Variants in DYNC2H1 observed in about 807,000 individuals in gnomAD.
DYNC2H1 encodes the protein dynein cytoplasmic 2 heavy chain 1.
In DYNC2H1, 410 loss-of-function variants were observed where a neutral mutation model predicts 570.0. The ratio of observed to expected loss-of-function variants is 0.72; its 90% CI spans 0.66 to 0.78. The LOEUF (loss-of-function observed/expected upper bound fraction) is 0.78. Ranked by LOEUF, DYNC2H1 falls within the 30% of genes least tolerant of loss-of-function variation. DYNC2H1 has a pLI of 0.00. For synonymous variants in DYNC2H1, 1,688 were observed against 1,677.6 expected (o/e 1.01, Z -0.15); for missense variants, 4,865 against 5,046.4 (o/e 0.96, Z 1.09).
chr11:103,109,727 C>T lies in DYNC2H1; in HGVS notation c.153C>T (p.Leu51=). ...TGGATGACGGCAACCAGATGCTCCT[C>T]AGGGTGCAGCGATCCGACGCAGGAA... ...NFLDDGNQML[L]RVQRSDAGIS... Residue 51 remains leucine (L), a synonymous_variant, in exon 1 of 89, where the codon CTC becomes CTT. Transcript: ENST00000375735. The T allele has an allele frequency of 6.2e-7, 1 of 1,613,946 alleles. No homozygotes were observed. Among genetic ancestry groups the T allele is most frequent in the Non-Finnish European group, 8.5e-7 (1 of 1,179,900 alleles).
intron 84 of DYNC2H1, chr11:103,408,483 G>A (rs1302837403): frequency 1.3e-5 from 2 of 152,022 alleles, no homozygotes; most frequent in Non-Finnish European, 2.9e-5. Context: ...TGATTTGTTT[G>A]ATTGAGATAG....
At chr11:103,161,953 G>A (rs1861111416) in intron 29 of DYNC2H1, among the ~76,000 whole-genome samples, 1 of 152,182 alleles carries the variant, frequency 6.6e-6, no homozygotes, top group African/African-American at 2.4e-5. Context: ...CTAGCAAAAT[G>A]TTTATTCCTG....
At chr11:103,271,761 C>T (rs72971602) in intron 70 of DYNC2H1, among the ~76,000 whole-genome samples, 6,436 of 152,286 alleles carry the variant, frequency 0.042, 187 homozygotes, top group Non-Finnish European at 0.064. Context: ...AGCTAATAAT[C>T]TTTAACTTAG....
intron 54 of DYNC2H1, 147 bp downstream of exon 54, chr11:103,212,090 C>A: frequency 9.9e-7 from 1 of 1,005,174 alleles, no homozygotes; most frequent in Non-Finnish European, 1.3e-6. Flanking sequence ...CACTTTCCTA[C>A]CTATATTGCC....
rs867394328 is a variant in DYNC2H1 at position 103,177,378 on chromosome 11, A to T, written c.5875-178A>T. 2.8e-4 allele frequency among the ~76,000 whole-genome samples: 42 copies of T among 152,146 alleles called. No homozygotes were observed. Among genetic ancestry groups the T allele is most frequent in the Admixed American group, 2.6e-3 (39 of 15,252 alleles). On this transcript the variant is annotated intron_variant, in intron 37 of 88. Coordinates refer to ENST00000375735, the MANE Select transcript of DYNC2H1 (RefSeq NM_001377.3). This position sits in a 1 kb window ranked among gnomAD's most constrained non-coding sequence, Gnocchi z 4.4. ...TAAAGAAATATTGAAGTATTTAAAGATTATATTGTAAATATGTTCAGATTT... is the reference window on the plus strand; with the variant it reads ...TAAAGAAATATTGAAGTATTTAAAGTTTATATTGTAAATATGTTCAGATTT...
intron 73 of DYNC2H1, among the ~76,000 whole-genome samples, chr11:103,283,827 T>C (rs1866239890): frequency 6.6e-6 from 1 of 152,036 alleles, no homozygotes; most frequent in African/African-American, 2.4e-5. Context: ...AAACATTGGT[T>C]GAGTAAAAGA....
chr11:103,247,076 T>C (rs1864647355), intron 65 of DYNC2H1, among the ~76,000 whole-genome samples: 1 of 151,912 alleles, frequency 6.6e-6, no homozygotes, highest in Non-Finnish European at 1.5e-5. Flanking sequence ...AGTTTGCAGT[T>C]GGTAAATAGT....
intron 70 of DYNC2H1, among the ~76,000 whole-genome samples, chr11:103,270,300 A>T (rs1465852254): frequency 6.6e-6 from 1 of 151,986 alleles, no homozygotes; most frequent in Non-Finnish European, 1.5e-5. Flanking sequence ...ACAATCCAAG[A>T]CACCCCGCAT....
chr11:103,382,348 G>GT (rs950393781), intron 83 of DYNC2H1, among the ~76,000 whole-genome samples: 27 of 152,228 alleles, frequency 1.8e-4, no homozygotes, highest in African/African-American at 6.5e-4. Flanking sequence ...TGTCCAGAAT[G>GT]TTCCCTAGAT....
chr11:103,216,183 A>C (rs1262145683), intron 55 of DYNC2H1, among the ~76,000 whole-genome samples: 1 of 152,134 alleles, frequency 6.6e-6, no homozygotes, highest in Admixed American at 6.5e-5. Context: ...TATTTTTCTT[A>C]GAATTCTCTC....
At chr11:103,445,550 T>C (rs1944392981) in intron 85 of DYNC2H1, among the ~76,000 whole-genome samples, 1 of 152,166 alleles carries the variant, frequency 6.6e-6, no homozygotes, top group Non-Finnish European at 1.5e-5. Context: ...GTGGTGGCTG[T>C]GGAGGTGGAG....
In DYNC2H1 at chr11:103,456,327, C is replaced by G; in HGVS notation, c.12619C>G (p.Arg4207Gly). The G allele has an allele frequency of 1.9e-6, 3 of 1,607,060 alleles. No homozygotes were observed. Among genetic ancestry groups the G allele is most frequent in the Non-Finnish European group, 2.6e-6 (3 of 1,176,394 alleles). ...TAAATTTGTAGCCTCATGGAAAGGT[C>G]GACTGCAAGAAGCAAAGCTACAAAT... Reference protein sequence around the residue: ...SLKFVASWKGRLQEAKLQIKI... With the variant: ...SLKFVASWKGGLQEAKLQIKI... Residue 4207 changes from arginine (R) to glycine (G), a missense_variant, in exon 87 of 89, where the codon CGA becomes GGA. By Grantham distance (125) the Arg-to-Gly change is moderately radical. Transcript: ENST00000375735.
chr11:103,266,275 G>C (rs1198006988), intron 70 of DYNC2H1, among the ~76,000 whole-genome samples: 1 of 152,102 alleles, frequency 6.6e-6, no homozygotes. Context: ...AACCAGGTGG[G>C]GGAGGCAGCA....
intron 70 of DYNC2H1, among the ~76,000 whole-genome samples, chr11:103,270,506 G>C (rs1271166808): frequency 1.3e-5 from 2 of 152,054 alleles, no homozygotes; most frequent in Non-Finnish European, 2.9e-5. Flanking sequence ...TAGTGAAATA[G>C]AGCAATTGTA....
At chr11:103,437,853 T>C (rs759654023) in intron 85 of DYNC2H1, among the ~76,000 whole-genome samples, 1 of 152,130 alleles carries the variant, frequency 6.6e-6, no homozygotes, top group Non-Finnish European at 1.5e-5. Context: ...TTAATAACTA[T>C]GCTGTGAGTT....
At chr11:103,348,299 A>G (rs1186472180) in intron 82 of DYNC2H1, among the ~76,000 whole-genome samples, 1 of 152,090 alleles carries the variant, frequency 6.6e-6, no homozygotes, top group African/African-American at 2.4e-5. Context: ...TTACAGCTTT[A>G]TTGGGGTTAA....
Position 103,148,552 on chromosome 11 carries a change from C to G in DYNC2H1, c.2881C>G (p.Gln961Glu). 6.4e-7 allele frequency: 1 copy of G among 1,567,056 alleles called. No homozygotes were observed. The highest frequency in any genetic ancestry group is 8.7e-7 in the Non-Finnish European group (1 of 1,154,498). Reference protein sequence around the residue: ...EAMEVLTIMPQSVEEIGDANL... With the variant: ...EAMEVLTIMPESVEEIGDANL... ...TATGGAAGTCTTAACAATTATGCCC[C>G]AGTCTGTGGAAGAAATTGGTGATGC... The change falls in exon 20 of 89, where the codon CAG becomes GAG. Residue 961 changes from glutamine to glutamate, a missense_variant. Physicochemically the swap from Gln to Glu is conservative, Grantham distance 29. Coordinates refer to ENST00000375735, the MANE Select transcript of DYNC2H1 (RefSeq NM_001377.3).
At chr11:103,131,520 C>CT (rs142366151) in intron 13 of DYNC2H1, among the ~76,000 whole-genome samples, 7 of 151,426 alleles carry the variant, frequency 4.6e-5, no homozygotes, top group Admixed American at 3.3e-4. Flanking sequence ...CCCCAGTATT[C>CT]TTTTTTTTCC....
In DYNC2H1 at chr11:103,197,998, T is replaced by C. The variant is rs185513656; in HGVS notation, c.7774T>C (p.Leu2592=). ...AGCAAGGGCAGCCCCAGGACAACCA[T>C]TACCTCCACATGGAAAACCACTTGG... is the stretch of plus-strand genomic sequence containing the variant. The part of the protein sequence containing the change: ...SGARAAPGQP[L]PPHGKPLGKL... The change falls in exon 48 of 89, where the codon TTA becomes CTA. Residue 2592 remains leucine (L), a synonymous_variant. Coordinates refer to ENST00000375735, the MANE Select transcript of DYNC2H1 (RefSeq NM_001377.3). The C allele has an allele frequency of 4.5e-6, 7 of 1,561,862 alleles. No individual in the cohort carries two copies. The highest frequency in any genetic ancestry group is 3.3e-4 in the Middle Eastern group (2 of 6,006).
Sources: gnomAD v4.1 joint callset for allele counts (sites outside exome capture counted in the v4.1 genomes callset) on GRCh38, gnomAD v4.1.1 for gene constraint, Gnocchi (gnomAD v3.1) non-coding constraint, MANE v1.5 for transcripts, NCBI Gene and HGNC (gene_info 2026-07-23, HGNC 2026-07-21) for gene names.